Variants in SLC35F1 observed in about 807,000 individuals in gnomAD.
The protein encoded by SLC35F1 is solute carrier family 35 member F1.
SLC35F1 carries 14 observed loss-of-function variants against 48.7 expected under a neutral mutation model. The observed-to-expected ratio is 0.29, with a 90% confidence interval of 0.19 to 0.45. The LOEUF (loss-of-function observed/expected upper bound fraction) is 0.45, where lower values mean the gene tolerates loss of function less well. Among genes scored for constraint, SLC35F1 ranks in the 20% least tolerant of loss-of-function variants. SLC35F1 has a pLI of 1.00. For missense variants in SLC35F1, 404 were observed against 500.0 expected (o/e 0.81, Z 1.83); for synonymous variants, 190 against 202.2 (o/e 0.94, Z 0.51).
At chr6:117,984,493 C>G in intron 1 of SLC35F1, among the ~76,000 whole-genome samples, 1 of 60,976 alleles carries the variant, frequency 1.6e-5, no homozygotes, top group Non-Finnish European at 3.7e-5. Context: ...GACTCGGTCT[C>G]AAAAAAAAAA....
At chr6:118,127,340 C>A (rs969510005) in intron 1 of SLC35F1, among the ~76,000 whole-genome samples, 1 of 152,076 alleles carries the variant, frequency 6.6e-6, no homozygotes, top group African/African-American at 2.4e-5. Flanking sequence ...CCCACTTAAT[C>A]ATGGTGGATA....
intron 2 of SLC35F1, among the ~76,000 whole-genome samples, chr6:118,203,865 C>T (rs1774900494): frequency 6.6e-6 from 1 of 152,156 alleles, no homozygotes; most frequent in African/African-American, 2.4e-5. Context: ...TTTGTGCACT[C>T]CTACACACTT....
chr6:118,237,279 G>C (rs947025993), intron 3 of SLC35F1, among the ~76,000 whole-genome samples: 1 of 151,514 alleles, frequency 6.6e-6, no homozygotes, highest in Non-Finnish European at 1.5e-5. Flanking sequence ...GACTCCCCCA[G>C]TTACATTTTC....
intron 1 of SLC35F1, among the ~76,000 whole-genome samples, chr6:118,006,483 G>T (rs569209975): frequency 1.3e-5 from 2 of 152,028 alleles, no homozygotes; most frequent in Admixed American, 1.3e-4. Context: ...TCTGGGCATG[G>T]TGATGCATAC....
chr6:117,916,780 G>A (rs1048683713), intron 1 of SLC35F1, among the ~76,000 whole-genome samples: 3 of 152,150 alleles, frequency 2.0e-5, no homozygotes, highest in African/African-American at 7.2e-5. Flanking sequence ...GGTGGGTCAG[G>A]GTTACCTGGG....
At chr6:118,006,843 CA>C (rs546683952) in intron 1 of SLC35F1, among the ~76,000 whole-genome samples, 47 of 152,158 alleles carry the variant, frequency 3.1e-4, no homozygotes, top group Non-Finnish European at 6.2e-4. Flanking sequence ...GTTCTTTAAC[CA>C]CTTGTTAACA....
intron 1 of SLC35F1, among the ~76,000 whole-genome samples, chr6:117,925,518 G>A (rs530623382): frequency 2.0e-5 from 3 of 152,280 alleles, no homozygotes; most frequent in African/African-American, 7.2e-5. Flanking sequence ...CCTATCACTG[G>A]ATTGTCATTA....
intron 2 of SLC35F1, among the ~76,000 whole-genome samples, chr6:118,185,033 T>C (rs1774636708): frequency 6.6e-6 from 1 of 152,188 alleles, no homozygotes; most frequent in African/African-American, 2.4e-5. Context: ...TGGCAGCTCC[T>C]GATGCCACAC....
At chr6:118,136,526 G>A (rs1773799745) in intron 1 of SLC35F1, among the ~76,000 whole-genome samples, 1 of 152,106 alleles carries the variant, frequency 6.6e-6, no homozygotes, top group African/African-American at 2.4e-5. Flanking sequence ...TATCTTGAAG[G>A]AATTTTAATA....
chr6:117,967,927 G>A, intron 1 of SLC35F1, among the ~76,000 whole-genome samples: 1 of 152,132 alleles, frequency 6.6e-6, no homozygotes, highest in Admixed American at 6.5e-5. Flanking sequence ...TAGAGAGATG[G>A]ATATATATGT....
chr6:118,109,465 T>G (rs1773368604), intron 1 of SLC35F1, among the ~76,000 whole-genome samples: 1 of 152,140 alleles, frequency 6.6e-6, no homozygotes, highest in Non-Finnish European at 1.5e-5. Context: ...AAGCATAAAC[T>G]TCAGCTGATA....
At chr6:117,973,226 C>G (rs955996287) in intron 1 of SLC35F1, among the ~76,000 whole-genome samples, 1 of 152,144 alleles carries the variant, frequency 6.6e-6, no homozygotes, top group Non-Finnish European at 1.5e-5. Flanking sequence ...CCTAGTCTCT[C>G]TCTTCTTATA....
At chr6:118,152,245 A>T (rs1351190141) in intron 1 of SLC35F1, among the ~76,000 whole-genome samples, 2 of 152,196 alleles carry the variant, frequency 1.3e-5, no homozygotes, top group Non-Finnish European at 2.9e-5. Context: ...AGAAGACCAT[A>T]TCTCACTGCT....
At chr6:118,019,887 A>G (rs1228543751) in intron 1 of SLC35F1, among the ~76,000 whole-genome samples, 1 of 152,172 alleles carries the variant, frequency 6.6e-6, no homozygotes, top group African/African-American at 2.4e-5. Context: ...TATGTAATGT[A>G]TAGAATAACA....
At chr6:117,963,708 C>T (rs991950791) in intron 1 of SLC35F1, among the ~76,000 whole-genome samples, 1 of 152,104 alleles carries the variant, frequency 6.6e-6, no homozygotes, top group Non-Finnish European at 1.5e-5. Flanking sequence ...CACTGGGGAA[C>T]CTTGTTAAGG....
chr6:117,947,879 C>A (rs1776315116), intron 1 of SLC35F1, among the ~76,000 whole-genome samples: 1 of 151,916 alleles, frequency 6.6e-6, no homozygotes, highest in African/African-American at 2.4e-5. Flanking sequence ...ATATTTAAAG[C>A]CATGTTACTG....
intron 1 of SLC35F1, among the ~76,000 whole-genome samples, chr6:118,043,248 C>T (rs1413460819): frequency 4.6e-5 from 7 of 152,014 alleles, no homozygotes; most frequent in South Asian, 2.1e-4. Context: ...TTCTGTTTTA[C>T]GAGTTGTTTA....
chr6:118,076,209 T>C (rs1450949237), intron 1 of SLC35F1, among the ~76,000 whole-genome samples: 1 of 152,238 alleles, frequency 6.6e-6, no homozygotes, highest in African/African-American at 2.4e-5. Flanking sequence ...TTACATAAAT[T>C]ATAGTTTTCT....
At chr6:118,312,854 C>G (rs1419875237) in intron 7 of SLC35F1, among the ~76,000 whole-genome samples, 1 of 152,112 alleles carries the variant, frequency 6.6e-6, no homozygotes, top group African/African-American at 2.4e-5. Context: ...CTTCCAACTT[C>G]CAATTAATTT....
Sources: gnomAD v4.1 joint callset for allele counts (sites outside exome capture counted in the v4.1 genomes callset) on GRCh38, gnomAD v4.1.1 for gene constraint, MANE v1.5 for transcripts, NCBI Gene and HGNC (gene_info 2026-07-23, HGNC 2026-07-21) for gene names.